Variants in TMEM266 observed in about 807,000 individuals in gnomAD.
TMEM266 encodes Hv1 related protein 1.
Under a neutral mutation model 50.5 loss-of-function variants are expected in TMEM266, and 33 were observed. That is an observed-to-expected ratio of 0.65 (90% CI 0.50 to 0.87). The LOEUF (loss-of-function observed/expected upper bound fraction) is 0.87. TMEM266 is among the 40% of genes least tolerant of loss of function. TMEM266 has a pLI of 0.00. For missense variants in TMEM266, 655 were observed against 695.1 expected, an observed-to-expected ratio of 0.94 and a Z score of 0.65; for synonymous variants, 310 against 292.3, an observed-to-expected ratio of 1.06 and a Z score of -0.62.
At chr15:76,110,645 T>G (rs2037157439) in intron 1 of TMEM266, among the ~76,000 whole-genome samples, 1 of 152,192 alleles carries the variant, frequency 6.6e-6, no homozygotes, top group Admixed American at 6.5e-5. Context: ...CAGGTGTATC[T>G]GTCTGCTGTG....
intron 1 of TMEM266, among the ~76,000 whole-genome samples, chr15:76,086,934 G>GT (rs1449596763): frequency 2.0e-5 from 3 of 146,936 alleles, no homozygotes; most frequent in East Asian, 3.9e-4. Flanking sequence ...AGGTCGGGGG[G>GT]GGGGCGGTGG....
intron 3 of TMEM266, among the ~76,000 whole-genome samples, chr15:76,150,111 A>G (rs2037815330): frequency 6.6e-6 from 1 of 152,148 alleles, no homozygotes; most frequent in Admixed American, 6.5e-5. Context: ...TCCTTAGATT[A>G]TCCGTCAGTG....
Position 76,077,185 on chromosome 15 carries a change from G to A in TMEM266, c.-97+17169G>A, listed in dbSNP as rs1239574362. On this transcript the variant is annotated intron_variant, in intron 1 of 10. Coordinates refer to ENST00000388942, the MANE Select transcript of TMEM266 (RefSeq NM_152335.3). ...TCGCCATGTTGCCCAGGCTGGTCTC[G>A]AACTCCTGAGCTCAAAGTGATCAAT... 3.3e-5 allele frequency among the ~76,000 whole-genome samples: 5 copies of A among 151,922 alleles called. 1 individual carries two copies. Among genetic ancestry groups the A allele is most frequent in the African/African-American group, 1.2e-4 (5 of 41,266 alleles).
intron 1 of TMEM266, among the ~76,000 whole-genome samples, chr15:76,120,019 T>C (rs1379879776): frequency 6.6e-6 from 1 of 152,214 alleles, no homozygotes; most frequent in Non-Finnish European, 1.5e-5. Flanking sequence ...AAAGGGAGCT[T>C]TCCTACTTTG....
chr15:76,075,837 CTTTTTTTTTTTTTTTTTTTT>C lies in TMEM266; in HGVS notation c.-97+15839_-97+15858del, dbSNP rs71140194. Among the ~76,000 whole-genome samples the C allele has an allele frequency of 1.2e-3, 28 of 23,572 alleles. 1 individual carries two copies. Among genetic ancestry groups the C allele is most frequent in the South Asian group, 6.9e-3 (3 of 436 alleles). 15.5% of individuals were successfully genotyped at this position (23,572 alleles called of 152,430 possible). A position where few individuals can be genotyped will look rare whatever the true frequency, so the allele number is the denominator to read the frequency against. ...CTGGAGGAGAATGAAGAGAAGGCAG[CTTTTTTTTTTTTTTTTTTTT>C]TTTTTTTTTTTTTTTTTGAGACACG... On this transcript the variant is annotated intron_variant, in intron 1 of 10. Coordinates refer to ENST00000388942, the MANE Select transcript of TMEM266 (RefSeq NM_152335.3).
In TMEM266 at chr15:76,153,081, G is replaced by A. The variant is rs924762246; in HGVS notation, c.228-3523G>A. Among the ~76,000 whole-genome samples the A allele has an allele frequency of 2.0e-5, 3 of 149,646 alleles. No homozygotes were observed. Among genetic ancestry groups the A allele is most frequent in the African/African-American group, 4.9e-5 (2 of 40,656 alleles). On this transcript the variant is annotated intron_variant, in intron 3 of 10. Transcript: ENST00000388942. This position sits in a 1 kb window ranked among gnomAD's most constrained non-coding sequence, Gnocchi z 4.2. The stretch of plus-strand genomic sequence containing the variant: ...CTTCAGACCACAGGTAACTCCAGAC[G>A]CCCACCTCCTGCAGCTTCCTAACCA...
Position 76,202,110 on chromosome 15 carries a change from C to T in TMEM266, c.959-92C>T, listed in dbSNP as rs1405258776. The T allele has an allele frequency of 5.4e-6, 6 of 1,108,792 alleles. No homozygotes were observed. The Admixed American group carries it at 9.4e-5, about 17-fold the overall frequency. The allele number at this position is 1,108,792 out of a possible 1,614,324, so 68.7% of individuals were successfully genotyped here. ...ACCAAGGGCTTCTGTGAGACAGCTG[C>T]CTTCTCTTGTGACCGTGGGGGTGGG... On this transcript the variant is annotated intron_variant, in intron 9 of 10. Coordinates refer to ENST00000388942, the MANE Select transcript of TMEM266 (RefSeq NM_152335.3).
rs1302984839 is a variant in TMEM266 at position 76,160,209 on chromosome 15, G to C, written c.456+41G>C. 1.3e-6 allele frequency: 2 copies of C among 1,583,030 alleles called. No homozygotes were observed. Among genetic ancestry groups the C allele is most frequent in the South Asian group, 2.2e-5 (2 of 90,308 alleles). On this transcript the variant is annotated intron_variant, in intron 5 of 10. Transcript: ENST00000388942. The surrounding 1 kb of genome is among the most constrained non-coding windows in gnomAD (Gnocchi z 5.7). The stretch of plus-strand genomic sequence containing the variant: ...GGCCCTGTCACCTCCTCTGTTGGGT[G>C]ACTCCTGTCCTGGGGAAACCAAGGT...
intron 1 of TMEM266, among the ~76,000 whole-genome samples, chr15:76,105,600 T>G (rs2037068333): frequency 6.6e-6 from 1 of 152,264 alleles, no homozygotes; most frequent in African/African-American, 2.4e-5. Context: ...TATAAATGAT[T>G]GAGCATGGCT....
At chr15:76,070,264 G>A (rs910033959) in intron 1 of TMEM266, among the ~76,000 whole-genome samples, 15 of 152,164 alleles carry the variant, frequency 9.9e-5, no homozygotes, top group African/African-American at 3.4e-4. Flanking sequence ...GTTCCAGTTA[G>A]GAAGAAGGAG....
Position 76,142,011 on chromosome 15 carries a change from G to A in TMEM266, c.227+4116G>A, listed in dbSNP as rs7180753. Among the ~76,000 whole-genome samples the A allele has an allele frequency of 6.7e-3, 1,014 of 152,268 alleles. 9 individuals carry two copies. The highest frequency in any genetic ancestry group is 0.024 in the African/African-American group (977 of 41,546). ...CTGTCAGTGGACACACCCCACACTG[G>A]ACTGTTTTTTCTCAAATGCGTCCAT... is the stretch of plus-strand genomic sequence containing the variant. On this transcript the variant is annotated intron_variant, in intron 3 of 10. Transcript: ENST00000388942.
At chr15:76,165,429 C>T (rs2142055433) in intron 5 of TMEM266, among the ~76,000 whole-genome samples, 1 of 152,328 alleles carries the variant, frequency 6.6e-6, no homozygotes, top group South Asian at 2.1e-4. Context: ...GAGTGTTTGC[C>T]AAGGCTGTAG....
chr15:76,140,272 G>C (rs1369381099), intron 3 of TMEM266, among the ~76,000 whole-genome samples: 1 of 152,228 alleles, frequency 6.6e-6, no homozygotes. Context: ...CGCAGGCACA[G>C]GACCGGAGCC....
chr15:76,118,286 G>A (rs1021267052), intron 1 of TMEM266, among the ~76,000 whole-genome samples: 1 of 152,228 alleles, frequency 6.6e-6, no homozygotes, highest in South Asian at 2.1e-4. Context: ...TTGAGGCCGG[G>A]TGTGGTGGCT....
At chr15:76,187,321 A>C (rs2038502231) in intron 8 of TMEM266, among the ~76,000 whole-genome samples, 1 of 152,214 alleles carries the variant, frequency 6.6e-6, no homozygotes, top group African/African-American at 2.4e-5. Flanking sequence ...CTCCATATCA[A>C]TTACAAGCCA....
chr15:76,201,057 C>T (rs539585335), intron 9 of TMEM266, among the ~76,000 whole-genome samples: 3 of 152,136 alleles, frequency 2.0e-5, no homozygotes, highest in South Asian at 2.1e-4. Context: ...GGTGCAGACT[C>T]GGACTCTAGG....
chr15:76,073,918 C>T (rs977831042), intron 1 of TMEM266, among the ~76,000 whole-genome samples: 2 of 151,064 alleles, frequency 1.3e-5, no homozygotes, highest in Non-Finnish European at 2.9e-5. Context: ...GAGATGAGGC[C>T]GTTGAAATTG....
chr15:76,123,348 G>T (rs1222521577), intron 1 of TMEM266, among the ~76,000 whole-genome samples: 1 of 152,228 alleles, frequency 6.6e-6, no homozygotes, highest in East Asian at 1.9e-4. Flanking sequence ...CTCCTCCTGA[G>T]GGTGTGGAAC....
intron 7 of TMEM266, among the ~76,000 whole-genome samples, chr15:76,173,415 G>T (rs2038218142): frequency 6.6e-6 from 1 of 152,134 alleles, no homozygotes; most frequent in Admixed American, 6.5e-5. Context: ...TTAAAGTCAG[G>T]AGTGGACACT....
Sources: gnomAD v4.1 joint callset for allele counts (sites outside exome capture counted in the v4.1 genomes callset) on GRCh38, gnomAD v4.1.1 for gene constraint, Gnocchi (gnomAD v3.1) non-coding constraint, MANE v1.5 for transcripts, NCBI Gene and HGNC (gene_info 2026-07-23, HGNC 2026-07-21) for gene names.